The following PALM2AKAP2 variants were observed in gnomAD, a reference collection of about 807,000 sequenced individuals.
PALM2AKAP2 encodes PALM2 and AKAP2 fusion.
A neutral mutation model predicts 71.5 loss-of-function variants in PALM2AKAP2; 37 were observed. The ratio of observed to expected loss-of-function variants is 0.52; its 90% CI spans 0.40 to 0.68. The LOEUF (loss-of-function observed/expected upper bound fraction) is 0.68, where lower values mean the gene tolerates loss of function less well. Among genes scored for constraint, PALM2AKAP2 ranks in the 30% least tolerant of loss-of-function variants. The pLI, the probability that PALM2AKAP2 is intolerant of heterozygous loss-of-function variation, is 0.00. For missense variants in PALM2AKAP2, 1,224 were observed against 1,191.8 expected (o/e 1.03, Z -0.40); for synonymous variants, 468 against 478.8 (o/e 0.98, Z 0.29).
rs1299360385 is a variant in PALM2AKAP2 at position 110,097,766 on chromosome 9, G to A, written c.157-38361G>A. ...TCACTTCCCAGACGGGGTGGCGGCC[G>A]GGCAGAGGCTGCAATCTCGGCACTT... On this transcript the variant is annotated intron_variant, in intron 1 of 3. Coordinates refer to ENST00000374525, the Ensembl canonical transcript of PALM2AKAP2. Among the ~76,000 whole-genome samples, 44 of 143,660 alleles carry A rather than the reference G, an allele frequency of 3.1e-4. 1 individual carries two copies. The highest frequency in any genetic ancestry group is 1.7e-3 in the East Asian group (9 of 5,180). 94.2% of individuals were successfully genotyped at this position (143,660 alleles called of 152,430 possible).
At chr9:109,989,309 C>T (rs1241048261) in intron 6 of PALM2AKAP2, among the ~76,000 whole-genome samples, 1 of 152,162 alleles carries the variant, frequency 6.6e-6, no homozygotes, top group African/African-American at 2.4e-5. Context: ...AATGGCAAGG[C>T]AAGCAGCTGG....
At chr9:109,684,579 A>G (rs572931247) in intron 1 of PALM2AKAP2, among the ~76,000 whole-genome samples, 1 of 152,342 alleles carries the variant, frequency 6.6e-6, no homozygotes, top group East Asian at 1.9e-4. Context: ...CACAGCCAAT[A>G]TGTTAGTAAA....
At chr9:109,874,934 C>T (rs1435316750) in intron 2 of PALM2AKAP2, among the ~76,000 whole-genome samples, 1 of 152,196 alleles carries the variant, frequency 6.6e-6, no homozygotes, top group African/African-American at 2.4e-5. Flanking sequence ...AGCTAATATT[C>T]TCTGTCACTT....
chr9:110,171,335 A>G (rs537757582), exon 4 of PALM2AKAP2: 12 of 152,288 alleles, frequency 7.9e-5, no homozygotes, highest in Admixed American at 7.2e-4. Context: ...AAGGAAAGAA[A>G]TACTGTTTCT....
At chr9:109,715,491 T>A (rs1828304167) in intron 1 of PALM2AKAP2, among the ~76,000 whole-genome samples, 1 of 152,156 alleles carries the variant, frequency 6.6e-6, no homozygotes. Context: ...CAGGGATGCA[T>A]CCTTATTAGC....
chr9:110,087,932 A>G (rs1398994933), intron 1 of PALM2AKAP2, among the ~76,000 whole-genome samples: 1 of 152,166 alleles, frequency 6.6e-6, no homozygotes, highest in Non-Finnish European at 1.5e-5. Flanking sequence ...AGATGTGCTG[A>G]TCAAGGGAGG....
chr9:109,851,349 C>G (rs1306349471), intron 1 of PALM2AKAP2, among the ~76,000 whole-genome samples: 3 of 152,104 alleles, frequency 2.0e-5, no homozygotes, highest in African/African-American at 7.2e-5. Flanking sequence ...CAGGGTTGAG[C>G]ACTGTGGGGA....
At chr9:109,755,630 A>G (rs1208279230) in intron 1 of PALM2AKAP2, among the ~76,000 whole-genome samples, 1 of 152,110 alleles carries the variant, frequency 6.6e-6, no homozygotes, top group East Asian at 1.9e-4. Context: ...AGCCTGAGCA[A>G]CAGAGTGAAA....
intron 1 of PALM2AKAP2, among the ~76,000 whole-genome samples, chr9:109,830,571 C>A (rs939431830): frequency 6.6e-6 from 1 of 152,042 alleles, no homozygotes; most frequent in African/African-American, 2.4e-5. Flanking sequence ...TAATATTAGC[C>A]CAAGCAGTGG....
intron 6 of PALM2AKAP2, among the ~76,000 whole-genome samples, chr9:110,014,807 T>TAAAAA (rs1832949031): frequency 6.3e-4 from 2 of 3,172 alleles, no homozygotes; most frequent in African/African-American, 1.1e-3. Flanking sequence ...AAAAAAAATG[T>TAAAAA]ATATATATAT....
intron 1 of PALM2AKAP2, among the ~76,000 whole-genome samples, chr9:109,773,445 C>T (rs1829302229): frequency 6.6e-6 from 1 of 152,198 alleles, no homozygotes; most frequent in African/African-American, 2.4e-5. Flanking sequence ...CCTGCAACAC[C>T]TTCTAAACAT....
chr9:110,057,427 G>C (rs1478805495), intron 1 of PALM2AKAP2, among the ~76,000 whole-genome samples: 1 of 146,046 alleles, frequency 6.8e-6, no homozygotes, highest in African/African-American at 2.5e-5. Flanking sequence ...CTGCCATGCT[G>C]GAGTGCAGTG....
chr9:109,755,407 TATTG>T (rs1828944349), intron 1 of PALM2AKAP2, among the ~76,000 whole-genome samples: 1 of 152,100 alleles, frequency 6.6e-6, no homozygotes, highest in Non-Finnish European at 1.5e-5. Flanking sequence ...CATCCTAGAC[TATTG>T]GTCTCATTGT....
chr9:109,905,613 G>C (rs530897478), intron 3 of PALM2AKAP2, among the ~76,000 whole-genome samples: 1 of 152,352 alleles, frequency 6.6e-6, no homozygotes, highest in South Asian at 2.1e-4. Context: ...AAAAGTTTCA[G>C]CATTTCTCAA....
intron 1 of PALM2AKAP2, among the ~76,000 whole-genome samples, chr9:109,816,261 A>G (rs914537029): frequency 1.3e-5 from 2 of 152,240 alleles, no homozygotes; most frequent in East Asian, 1.9e-4. Flanking sequence ...ACCTGGATGT[A>G]GCCAAAGGAC....
At chr9:109,761,443 G>A (rs545987497) in intron 1 of PALM2AKAP2, among the ~76,000 whole-genome samples, 58 of 152,208 alleles carry the variant, frequency 3.8e-4, no homozygotes, top group African/African-American at 1.3e-3. Flanking sequence ...GTGCCATGGT[G>A]GTTTGCTGCA....
At chr9:109,702,125 A>G (rs1478418042) in intron 1 of PALM2AKAP2, among the ~76,000 whole-genome samples, 1 of 152,154 alleles carries the variant, frequency 6.6e-6, no homozygotes, top group Non-Finnish European at 1.5e-5. Flanking sequence ...AAATAGGAAC[A>G]TTTTTACAGT....
intron 1 of PALM2AKAP2, among the ~76,000 whole-genome samples, chr9:109,654,775 GTGTA>G (rs1401131650): frequency 4.6e-5 from 7 of 151,780 alleles, no homozygotes; most frequent in African/African-American, 9.7e-5. Context: ...GTGTGTGTGT[GTGTA>G]TATGTATTAA....
At chr9:109,977,998 G>A (rs537284955) in intron 6 of PALM2AKAP2, among the ~76,000 whole-genome samples, 2 of 152,314 alleles carry the variant, frequency 1.3e-5, no homozygotes, top group South Asian at 4.2e-4. Context: ...GAGTGGGACA[G>A]GGCTTGTAGA....
Sources: gnomAD v4.1 joint callset for allele counts (sites outside exome capture counted in the v4.1 genomes callset) on GRCh38, gnomAD v4.1.1 for gene constraint, MANE v1.5 for transcripts, NCBI Gene and HGNC (gene_info 2026-07-23, HGNC 2026-07-21) for gene names.